EIF2B3: variants seen among roughly 807,000 people sequenced by gnomAD.
EIF2B3 encodes the protein eukaryotic translation initiation factor 2B subunit gamma, also known as translation initiation factor eIF2B subunit gamma.
EIF2B3 carries 20 observed loss-of-function variants against 54.1 expected under a neutral mutation model. That is an observed-to-expected ratio of 0.37 (90% CI 0.26 to 0.54). The LOEUF (loss-of-function observed/expected upper bound fraction) is 0.54, where lower values mean the gene tolerates loss of function less well. Among genes scored for constraint, EIF2B3 ranks in the 20% least tolerant of loss-of-function variants. EIF2B3 has a pLI of 0.86. For synonymous variants in EIF2B3, 153 were observed against 188.1 expected (o/e 0.81, Z 1.52); for missense variants, 448 against 547.8 (o/e 0.82, Z 1.82).
intron 6 of EIF2B3, among the ~76,000 whole-genome samples, chr1:44,883,277 C>T (rs1050066871): frequency 5.3e-5 from 8 of 151,928 alleles, no homozygotes; most frequent in African/African-American, 1.9e-4. Context: ...GATAATAGCC[C>T]TTCTCAAAAT....
In EIF2B3 at chr1:44,941,547, C is replaced by T. The variant is rs1557696341; in HGVS notation, c.413G>A (p.Ser138Asn). 1.9e-6 allele frequency: 3 copies of T among 1,613,172 alleles called. No homozygotes were observed. The highest frequency in any genetic ancestry group is 2.5e-6 in the Non-Finnish European group (3 of 1,179,590). Reference sequence around the variant, plus strand: ...CTTTTGACCGGGAACAGGTTCTATGCTATCTTGGCCTTTTCTCATCAACAT... The same window carrying T: ...CTTTTGACCGGGAACAGGTTCTATGTTATCTTGGCCTTTTCTCATCAACAT... ...LAMLMRKGQD[S>N]IEPVPGQKGK... The change falls in exon 4 of 12, where the codon AGC becomes AAC. Residue 138 changes from serine to asparagine, a missense_variant. Transcript: ENST00000360403.
chr1:44,946,420 A>G (rs973459568), intron 3 of EIF2B3, among the ~76,000 whole-genome samples: 1 of 151,192 alleles, frequency 6.6e-6, no homozygotes, highest in Non-Finnish European at 1.5e-5. Flanking sequence ...GGAAAGCTAA[A>G]TCACACTTAT....
chr1:44,947,097 G>A (rs1644111397), intron 3 of EIF2B3, among the ~76,000 whole-genome samples: 1 of 152,086 alleles, frequency 6.6e-6, no homozygotes, highest in Non-Finnish European at 1.5e-5. Flanking sequence ...AGACCAACTG[G>A]CCTCTCCAAA....
chr1:44,923,293 A>C (rs1426522682), intron 5 of EIF2B3, among the ~76,000 whole-genome samples: 1 of 152,188 alleles, frequency 6.6e-6, no homozygotes, highest in Non-Finnish European at 1.5e-5. Context: ...ATCCTTGTCT[A>C]GTAAGCTTTC....
intron 8 of EIF2B3, among the ~76,000 whole-genome samples, chr1:44,877,283 T>A (rs1655226114): frequency 6.7e-6 from 1 of 149,060 alleles, no homozygotes; most frequent in African/African-American, 2.5e-5. Flanking sequence ...CATAGCTTCC[T>A]GTCTGAGTGA....
intron 6 of EIF2B3, among the ~76,000 whole-genome samples, chr1:44,889,262 G>A (rs1200849675): frequency 6.6e-6 from 1 of 152,230 alleles, no homozygotes; most frequent in Non-Finnish European, 1.5e-5. Flanking sequence ...ATGGCTAGGA[G>A]TGGTGGCTCA....
chr1:44,954,679 A>G (rs1360936568), intron 3 of EIF2B3, among the ~76,000 whole-genome samples: 1 of 152,164 alleles, frequency 6.6e-6, no homozygotes, highest in East Asian at 1.9e-4. Context: ...AATAGAGACA[A>G]TTTGACTTCC....
At chr1:44,949,914 A>G (rs148286730) in intron 3 of EIF2B3, among the ~76,000 whole-genome samples, 242 of 152,344 alleles carry the variant, frequency 1.6e-3, no homozygotes, top group African/African-American at 5.2e-3. Flanking sequence ...AGAAGCACCT[A>G]TATTAATTTT....
intron 3 of EIF2B3, among the ~76,000 whole-genome samples, chr1:44,946,217 A>C (rs2133503): frequency 0.22 from 33,648 of 152,082 alleles, 4,050 homozygotes; most frequent in Admixed American, 0.32. Flanking sequence ...GGTCTGAAAG[A>C]ACAGGGCCTA....
intron 6 of EIF2B3, among the ~76,000 whole-genome samples, chr1:44,893,305 T>C (rs1047004842): frequency 3.9e-5 from 6 of 152,210 alleles, no homozygotes; most frequent in African/African-American, 1.4e-4. Context: ...TCCCCAACTC[T>C]TGACTTCACT....
chr1:44,948,304 G>C (rs1243564482), intron 3 of EIF2B3, among the ~76,000 whole-genome samples: 1 of 152,104 alleles, frequency 6.6e-6, no homozygotes, highest in Admixed American at 6.6e-5. Flanking sequence ...TCCGCCCATA[G>C]TCCAGGATGG....
At chr1:44,877,616 T>G (rs918502716) in intron 8 of EIF2B3, among the ~76,000 whole-genome samples, 1 of 152,162 alleles carries the variant, frequency 6.6e-6, no homozygotes, top group Non-Finnish European at 1.5e-5. Flanking sequence ...GGACAGACCC[T>G]GAGAAGGCAT....
chr1:44,983,579 G>C (rs1029870491), intron 1 of EIF2B3, among the ~76,000 whole-genome samples: 3 of 152,174 alleles, frequency 2.0e-5, no homozygotes, highest in African/African-American at 7.2e-5. Context: ...ACCCTTAAGA[G>C]TCAAAAGATG....
chr1:44,979,054 AG>A (rs1471179204), intron 2 of EIF2B3, among the ~76,000 whole-genome samples: 2 of 151,720 alleles, frequency 1.3e-5, no homozygotes, highest in Admixed American at 1.3e-4. Flanking sequence ...TGGGAGGCCG[AG>A]GCAGGCGGAT....
In EIF2B3 at chr1:44,881,015, A is replaced by C. The variant is rs572191088; in HGVS notation, c.784+597T>G. 6.6e-6 allele frequency among the ~76,000 whole-genome samples: 1 copy of C among 152,306 alleles called. No individual in the cohort carries two copies. The highest frequency in any genetic ancestry group is 6.5e-5 in the Admixed American group (1 of 15,294). ...GCTAGTAAGAGGCAGTCAGATTTCA[A>C]ATCCAGAACTGTCTGATGCCCAGTT... On this transcript the variant is annotated intron_variant, in intron 7 of 11. Transcript: ENST00000360403. This position sits in a 1 kb window ranked among gnomAD's most constrained non-coding sequence, Gnocchi z 4.0.
chr1:44,944,501 A>C (rs1194927982), intron 3 of EIF2B3, among the ~76,000 whole-genome samples: 1 of 151,764 alleles, frequency 6.6e-6, no homozygotes, highest in Admixed American at 6.6e-5. Flanking sequence ...TCTCAAAAAA[A>C]AAAAAAAAAG....
intron 5 of EIF2B3, among the ~76,000 whole-genome samples, chr1:44,903,116 A>G (rs971103506): frequency 6.6e-6 from 1 of 152,202 alleles, no homozygotes; most frequent in Non-Finnish European, 1.5e-5. Context: ...TTTAATTTAA[A>G]GAAAGCTGAA....
At chr1:44,922,591 CAAA>C (rs58626731) in intron 5 of EIF2B3, among the ~76,000 whole-genome samples, 2 of 87,530 alleles carry the variant, frequency 2.3e-5, no homozygotes. Context: ...TGTCTCAAGA[CAAA>C]AAAAAAAAAA....
At chr1:44,875,557 A>C in intron 9 of EIF2B3, 61 bp downstream of exon 9, 1 of 1,551,042 alleles carries the variant, frequency 6.4e-7, no homozygotes, top group Non-Finnish European at 8.9e-7. Flanking sequence ...GGCTTCTCAA[A>C]AACAAGTCTC....
Sources: gnomAD v4.1 joint callset for allele counts (sites outside exome capture counted in the v4.1 genomes callset) on GRCh38, gnomAD v4.1.1 for gene constraint, Gnocchi (gnomAD v3.1) non-coding constraint, MANE v1.5 for transcripts, NCBI Gene and HGNC (gene_info 2026-07-23, HGNC 2026-07-21) for gene names.